The following PLCG1 variants were observed in gnomAD, a reference collection of about 807,000 sequenced individuals.
The protein encoded by PLCG1 is 1-phosphatidylinositol 4,5-bisphosphate phosphodiesterase gamma-1.
PLCG1 carries 71 observed loss-of-function variants against 177.8 expected under a neutral mutation model. The observed-to-expected ratio is 0.40, with a 90% CI of 0.33 to 0.49. The LOEUF is 0.49. Ranked by LOEUF, PLCG1 falls within the 20% of genes least tolerant of loss-of-function variation. The pLI, the probability that PLCG1 is intolerant of heterozygous loss-of-function variation, is 0.72. For missense variants in PLCG1, 1,281 were observed against 1,709.0 expected, an observed-to-expected ratio of 0.75 and a Z score of 4.42; for synonymous variants, 658 against 647.9, an observed-to-expected ratio of 1.02 and a Z score of -0.24.
At position 41,167,657 on chromosome 20, in the gene PLCG1, T is replaced by C. The variant is rs973211981; in HGVS notation, c.2302-195T>C. On this transcript the variant is annotated intron_variant, in intron 19 of 31. Transcript: ENST00000685551. The surrounding 1 kb of genome is among the most constrained non-coding windows in gnomAD (Gnocchi z 4.4). ...CTGGGCTGGGCCTTACATGTAAGAATGTGAAGAAAGGAAAGGGAACAGTGA... is the reference window on the plus strand; with the variant it reads ...CTGGGCTGGGCCTTACATGTAAGAACGTGAAGAAAGGAAAGGGAACAGTGA... 27 of 587,398 alleles carry C rather than the reference T, an allele frequency of 4.6e-5. No homozygotes were observed. In the Middle Eastern group the frequency reaches 1.3e-3, roughly 29 times the overall value. The allele number at this position is 587,398 out of a possible 1,614,324, so 36.4% of individuals were successfully genotyped here.
intron 1 of PLCG1, among the ~76,000 whole-genome samples, chr20:41,142,479 T>TG (rs1424821437): frequency 1.3e-5 from 2 of 152,158 alleles, no homozygotes; most frequent in Non-Finnish European, 2.9e-5. Flanking sequence ...GGGAGGCCAG[T>TG]GAGCTCCTAC....
Position 41,174,387 on chromosome 20 carries a change from G to C in PLCG1, c.3833+76G>C, listed in dbSNP as rs1201460471. 5 of 1,600,990 alleles carry C rather than the reference G, an allele frequency of 3.1e-6. No individual in the cohort carries two copies. The highest frequency in any genetic ancestry group is 4.3e-6 in the Non-Finnish European group (5 of 1,169,342). ...CCTTCTTCAGTGTTTCTTTCTCCTG[G>C]GTAGAAAAGTTGTAATATTGTCTGG... On this transcript the variant is annotated intron_variant, in intron 31 of 31. Coordinates refer to ENST00000685551, the MANE Select transcript of PLCG1 (RefSeq NM_002660.3). The surrounding 1 kb of genome is among the most constrained non-coding windows in gnomAD (Gnocchi z 5.8).
At position 41,173,270 on chromosome 20, in the gene PLCG1, C is replaced by T. The variant is rs968755965; in HGVS notation, c.3280-150C>T. 1 of 787,868 alleles carries T rather than the reference C, an allele frequency of 1.3e-6. No homozygotes were observed. Among genetic ancestry groups the T allele is most frequent in the Non-Finnish European group, 2.0e-6 (1 of 502,712 alleles). The allele number at this position is 787,868 out of a possible 1,614,324, so 48.8% of individuals were successfully genotyped here. ...AGCTGCTCTGGACAGCTTAGGGTCC[C>T]TGATGTCGTGAGGGACTCCATGGGC... is the stretch of plus-strand genomic sequence containing the variant. On this transcript the variant is annotated intron_variant, in intron 27 of 31. Coordinates refer to ENST00000685551, the MANE Select transcript of PLCG1 (RefSeq NM_002660.3). This position sits in a 1 kb window ranked among gnomAD's most constrained non-coding sequence, Gnocchi z 6.2.
intron 1 of PLCG1, among the ~76,000 whole-genome samples, chr20:41,139,759 A>AG (rs34234873): frequency 0.01 from 1,594 of 152,278 alleles, 12 homozygotes; most frequent in Middle Eastern, 0.017. Flanking sequence ...GGGAATGGTG[A>AG]GGGGGTGAGG....
chr20:41,170,041 C>T (rs2035841436), intron 23 of PLCG1, 71 bp from the exon 24 acceptor site: 3 of 1,376,226 alleles, frequency 2.2e-6, no homozygotes, highest in Admixed American at 3.9e-5. Flanking sequence ...TGAGCCAGTG[C>T]CTGCGGTGTG....
Position 41,174,464 on chromosome 20 carries a change from C to A in PLCG1, c.3834-3C>A. 1 of 1,590,332 alleles carries A rather than the reference C, an allele frequency of 6.3e-7. No individual in the cohort carries two copies. The highest frequency in any genetic ancestry group is 8.6e-7 in the Non-Finnish European group (1 of 1,166,856). ...AGTAAGGACACTCTTCCCTTCTGTC[C>A]AGGGCCCCAAGAAGGACTCGGGTCA... On this transcript the variant is annotated splice_region_variant and splice_polypyrimidine_tract_variant and intron_variant, in intron 31 of 31. Coordinates refer to ENST00000685551, the MANE Select transcript of PLCG1 (RefSeq NM_002660.3). This position sits in a 1 kb window ranked among gnomAD's most constrained non-coding sequence, Gnocchi z 5.8.
chr20:41,141,962 G>T (rs2034845193), intron 1 of PLCG1, among the ~76,000 whole-genome samples: 1 of 152,194 alleles, frequency 6.6e-6, no homozygotes, highest in African/African-American at 2.4e-5. Flanking sequence ...TAGCTTCTTG[G>T]AATGAGGCAC....
Position 41,173,164 on chromosome 20 carries a change from A to G in PLCG1, c.3280-256A>G, listed in dbSNP as rs2035956714. ...AAAAGATTTCTGTGTTAAAATAGTA[A>G]TGGATTTAACATGAAGTAGATTGCA... On this transcript the variant is annotated intron_variant, in intron 27 of 31. Coordinates refer to ENST00000685551, the MANE Select transcript of PLCG1 (RefSeq NM_002660.3). This position sits in a 1 kb window ranked among gnomAD's most constrained non-coding sequence, Gnocchi z 6.2. Among the ~76,000 whole-genome samples, 1 of 152,152 alleles carries G rather than the reference A, an allele frequency of 6.6e-6. No individual in the cohort carries two copies. Among genetic ancestry groups the G allele is most frequent in the Admixed American group, 6.5e-5 (1 of 15,276 alleles).
intron 4 of PLCG1, among the ~76,000 whole-genome samples, chr20:41,161,756 C>A (rs912317270): frequency 6.6e-6 from 1 of 151,372 alleles, no homozygotes; most frequent in African/African-American, 2.4e-5. Context: ...GAGAGAAAGC[C>A]CCCCCCTTCC....
At chr20:41,162,748 C>T (rs2035553778) in intron 6 of PLCG1, 23 bp downstream of exon 6, 1 of 1,580,934 alleles carries the variant, frequency 6.3e-7, no homozygotes, top group Non-Finnish European at 8.7e-7. Context: ...CCTGCCCTCC[C>T]TCAACCCCTG....
chr20:41,154,734 T>A (rs950581222), intron 1 of PLCG1, among the ~76,000 whole-genome samples: 1 of 152,194 alleles, frequency 6.6e-6, no homozygotes, highest in Non-Finnish European at 1.5e-5. Context: ...GGTTCCAGAC[T>A]GGCTGCCCGC....
At chr20:41,141,756 C>G (rs187055427) in intron 1 of PLCG1, among the ~76,000 whole-genome samples, 1 of 152,236 alleles carries the variant, frequency 6.6e-6, no homozygotes, top group Non-Finnish European at 1.5e-5. Flanking sequence ...CAGGCCCCCC[C>G]GCCCAGCTGG....
At chr20:41,154,707 G>T (rs2035264825) in intron 1 of PLCG1, among the ~76,000 whole-genome samples, 1 of 152,112 alleles carries the variant, frequency 6.6e-6, no homozygotes, top group Non-Finnish European at 1.5e-5. Flanking sequence ...TGTGGTTATT[G>T]TCTTCTCCCT....
In PLCG1 at chr20:41,174,493, G is replaced by A. The variant is rs751219700; in HGVS notation, c.3860G>A (p.Gly1287Glu). 6.3e-7 allele frequency: 1 copy of A among 1,583,494 alleles called. No individual in the cohort carries two copies. The highest frequency in any genetic ancestry group is 8.6e-7 in the Non-Finnish European group (1 of 1,162,294). ...RRAPRRTRVN[G>E]DNRL ...GCCCCAAGAAGGACTCGGGTCAATG[G>A]AGACAACCGCCTCTAGTTGTACCCC... Residue 1287 changes from glycine to glutamate, a missense_variant, in exon 32 of 32, where the codon GGA (glycine) becomes GAA (glutamate). By Grantham distance (98) the Gly-to-Glu change is moderately conservative (BLOSUM62 -2). Around this residue, in one of 4 missense-constraint regions of PLCG1, gnomAD observed 153 missense variants for 153.2 expected, o/e 1.00. Coordinates refer to ENST00000685551, the MANE Select transcript of PLCG1 (RefSeq NM_002660.3). The surrounding 1 kb of genome is among the most constrained non-coding windows in gnomAD (Gnocchi z 5.8).
chr20:41,147,260 A>G lies in PLCG1; in HGVS notation c.217+9402A>G, dbSNP rs1015358220. ...TACCAAGGAGGTTGGAAAAGGTAAC[A>G]TATGTCACTTTGTTAAGGATTTTGC... On this transcript the variant is annotated intron_variant, in intron 1 of 31. Coordinates refer to ENST00000685551, the MANE Select transcript of PLCG1 (RefSeq NM_002660.3). This position sits in a 1 kb window ranked among gnomAD's most constrained non-coding sequence, Gnocchi z 4.0. Among the ~76,000 whole-genome samples, 2 of 152,240 alleles carry G rather than the reference A, an allele frequency of 1.3e-5. No individual in the cohort carries two copies. The highest frequency in any genetic ancestry group is 2.9e-5 in the Non-Finnish European group (2 of 68,050).
rs370818638 is a variant in PLCG1, at chr20:41,172,846, G to A, written c.3248G>A (p.Arg1083His). 1.8e-4 allele frequency: 283 copies of A among 1,613,968 alleles called. 1 individual carries two copies. The highest frequency in any genetic ancestry group is 2.2e-4 in the Non-Finnish European group (265 of 1,180,020). Reference sequence around the variant, plus strand: ...GACCCCTTTGACAAGAGCAGCCTCCGCGGGCTGGAGCCATGTGCCATCTCT... The same window carrying A: ...GACCCCTTTGACAAGAGCAGCCTCCACGGGCTGGAGCCATGTGCCATCTCT... ...AFDPFDKSSL[R>H]GLEPCAISIE... is the part of the protein sequence containing the mutation. Residue 1083 changes from arginine to histidine, a missense_variant, in exon 27 of 32, where the codon CGC (arginine) becomes CAC (histidine). By Grantham distance (29) the Arg-to-His change is conservative. This residue lies in a region of PLCG1 where 723 missense variants were observed against 1,030.0 expected (regional missense o/e 0.70). Transcript: ENST00000685551. The surrounding 1 kb of genome is among the most constrained non-coding windows in gnomAD (Gnocchi z 7.0).
rs1600678479 is a variant in PLCG1, at chr20:41,173,301, C to T, written c.3280-119C>T. The T allele has an allele frequency of 9.6e-7, 1 of 1,041,832 alleles. No individual in the cohort carries two copies. Among genetic ancestry groups the T allele is most frequent in the East Asian group, 2.6e-5 (1 of 38,194 alleles). 64.5% of individuals were successfully genotyped at this position (1,041,832 alleles called of 1,614,324 possible). ...TCGTGAGGGACTCCATGGGCAGTGT[C>T]CCGGGGGCCCAGCAGAGGGCGCGCT... On this transcript the variant is annotated intron_variant, in intron 27 of 31. Transcript: ENST00000685551. This position sits in a 1 kb window ranked among gnomAD's most constrained non-coding sequence, Gnocchi z 6.2.
In PLCG1 at chr20:41,176,752, A is replaced by T. The variant is rs2036075556; in HGVS notation, c.*2243A>T. The T allele has an allele frequency of 6.6e-6, 1 of 152,192 alleles. No individual in the cohort carries two copies. The highest frequency in any genetic ancestry group is 1.5e-5 in the Non-Finnish European group (1 of 68,036). 9.4% of individuals were successfully genotyped at this position (152,192 alleles called of 1,614,324 possible). A position where few individuals can be genotyped will look rare whatever the true frequency, so the allele number is the denominator to read the frequency against. The stretch of plus-strand genomic sequence containing the variant: ...CAACTCTCAAGCAAATTTAAAGATC[A>T]TTTTCACTTCAAGATTCCTCCAGAC... On this transcript the variant is annotated 3_prime_UTR_variant, in exon 32 of 32. Transcript: ENST00000685551.
In PLCG1 at chr20:41,163,090, A is replaced by G; in HGVS notation, c.716+98A>G. Reference sequence around the variant, plus strand: ...AGGTGGGAGGCAGTGGGAGTAGGGAACCATGCTGGACCATTCTGGGAAGCT... The same window carrying G: ...AGGTGGGAGGCAGTGGGAGTAGGGAGCCATGCTGGACCATTCTGGGAAGCT... On this transcript the variant is annotated intron_variant, in intron 7 of 31. Transcript: ENST00000685551. The surrounding 1 kb of genome is among the most constrained non-coding windows in gnomAD (Gnocchi z 5.2). 1 of 1,488,434 alleles carries G rather than the reference A, an allele frequency of 6.7e-7. No homozygotes were observed. Among genetic ancestry groups the G allele is most frequent in the Non-Finnish European group, 9.4e-7 (1 of 1,068,106 alleles). The allele number at this position is 1,488,434 out of a possible 1,614,324, so 92.2% of individuals were successfully genotyped here.
Sources: gnomAD v4.1 joint callset for allele counts (sites outside exome capture counted in the v4.1 genomes callset) on GRCh38, gnomAD v4.1.1 for gene constraint, gnomAD v4.1.1 regional missense constraint, Gnocchi (gnomAD v3.1) non-coding constraint, MANE v1.5 for transcripts, NCBI Gene and HGNC (gene_info 2026-07-23, HGNC 2026-07-21) for gene names.